Variants in DEPTOR observed in about 807,000 individuals in gnomAD.
The protein encoded by DEPTOR is DEP domain containing MTOR interacting protein.
Under a neutral mutation model 41.6 loss-of-function variants are expected in DEPTOR, and 41 were observed. That is an observed-to-expected ratio of 0.98 (90% CI 0.77 to 1.28). The LOEUF is 1.28. Ranked by LOEUF, DEPTOR falls within the 50% of genes most tolerant of loss-of-function variation. The pLI, the probability that DEPTOR is intolerant of heterozygous loss-of-function variation, is 0.00. For synonymous variants in DEPTOR, 195 were observed against 192.3 expected (o/e 1.01, Z -0.12); for missense variants, 514 against 527.9 (o/e 0.97, Z 0.26).
At chr8:119,949,257 T>C (rs10102995) in intron 3 of DEPTOR, among the ~76,000 whole-genome samples, 40,812 of 152,202 alleles carry the variant, frequency 0.27, 5,826 homozygotes, top group South Asian at 0.34. Flanking sequence ...ATACACCACA[T>C]TTTCAGTTTC....
Position 120,008,256 on chromosome 8 carries a change from T to A in DEPTOR, c.997-773T>A, listed in dbSNP as rs1281285796. ...GGGCTCCCTTGGTGGAGGCTGGGCA[T>A]GGTGGCTCACGCCTGTAATCCCAGC... On this transcript the variant is annotated intron_variant, in intron 7 of 8. Transcript: ENST00000286234. Among the ~76,000 whole-genome samples, 4 of 152,194 alleles carry A rather than the reference T, an allele frequency of 2.6e-5. No individual in the cohort carries two copies. The East Asian group carries it at 7.7e-4, about 29-fold the overall frequency.
chr8:120,008,568 C>A (rs968580298), intron 7 of DEPTOR, among the ~76,000 whole-genome samples: 5 of 150,670 alleles, frequency 3.3e-5, no homozygotes, highest in Admixed American at 1.3e-4. Context: ...TATTTCCCAC[C>A]ATTAGTAATT....
At chr8:119,953,221 C>G (rs1828375431) in intron 3 of DEPTOR, among the ~76,000 whole-genome samples, 1 of 152,090 alleles carries the variant, frequency 6.6e-6, no homozygotes, top group Admixed American at 6.6e-5. Context: ...AAAATGAAGA[C>G]CCAAAGATAC....
chr8:119,955,894 C>T (rs549029400), intron 3 of DEPTOR, among the ~76,000 whole-genome samples: 4 of 152,144 alleles, frequency 2.6e-5, no homozygotes, highest in South Asian at 2.1e-4. Flanking sequence ...GGGGAGGGTG[C>T]GGGAGAAGAG....
At chr8:119,925,999 T>C (rs2129839882) in intron 1 of DEPTOR, among the ~76,000 whole-genome samples, 1 of 152,326 alleles carries the variant, frequency 6.6e-6, no homozygotes, top group Admixed American at 6.5e-5. Flanking sequence ...GTGGTATTGG[T>C]TTTCTGTTCC....
At chr8:119,897,755 A>G (rs1194249863) in intron 1 of DEPTOR, among the ~76,000 whole-genome samples, 2 of 152,154 alleles carry the variant, frequency 1.3e-5, no homozygotes, top group East Asian at 3.9e-4. Flanking sequence ...TCGGCCTCCC[A>G]AAGTGCTGGG....
chr8:120,011,210 G>A (rs1812527197), intron 8 of DEPTOR, among the ~76,000 whole-genome samples: 1 of 152,174 alleles, frequency 6.6e-6, no homozygotes, highest in Admixed American at 6.5e-5. Context: ...TGCTTGCCCA[G>A]GTAATCAGCG....
intron 4 of DEPTOR, among the ~76,000 whole-genome samples, chr8:119,994,518 C>T (rs1349030033): frequency 6.6e-6 from 1 of 152,160 alleles, no homozygotes; most frequent in African/African-American, 2.4e-5. Context: ...TGAATATCTT[C>T]CAGTGGTGCA....
intron 3 of DEPTOR, among the ~76,000 whole-genome samples, chr8:119,930,703 G>A (rs111227004): frequency 1.2e-3 from 190 of 152,282 alleles, no homozygotes; most frequent in African/African-American, 4.1e-3. Flanking sequence ...GCCCTTTCAA[G>A]AGATAAGTAT....
intron 8 of DEPTOR, among the ~76,000 whole-genome samples, chr8:120,039,202 T>C (rs927625661): frequency 3.9e-5 from 6 of 152,318 alleles, no homozygotes; most frequent in South Asian, 2.1e-4. Context: ...CCTTCTACCA[T>C]GTGAGGACAT....
rs553081087 is a variant in DEPTOR at position 119,917,750 on chromosome 8, A to G, written c.123-10650A>G. On this transcript the variant is annotated intron_variant, in intron 1 of 8. Coordinates refer to ENST00000286234, the MANE Select transcript of DEPTOR (RefSeq NM_022783.4). ...GCTGAGGAGGATTAGTAAAAGAGGA[A>G]GGAACGCCTCTTTGCAGTTGAGACA... Among the ~76,000 whole-genome samples the G allele has an allele frequency of 2.4e-3, 372 of 152,286 alleles. 2 individuals are homozygous for G. Among genetic ancestry groups the G allele is most frequent in the African/African-American group, 8.0e-3 (331 of 41,542 alleles).
At chr8:119,964,138 G>C (rs1828525606) in intron 3 of DEPTOR, among the ~76,000 whole-genome samples, 1 of 152,090 alleles carries the variant, frequency 6.6e-6, no homozygotes, top group Non-Finnish European at 1.5e-5. Flanking sequence ...CCACCACGAT[G>C]GCTCCAGCCT....
rs796174721 is a variant in DEPTOR at position 120,041,978 on chromosome 8, CTT to C, written c.1102-7596_1102-7595del. Among the ~76,000 whole-genome samples, 75 of 152,040 alleles carry C rather than the reference CTT, an allele frequency of 4.9e-4. 1 individual carries two copies. The highest frequency in any genetic ancestry group is 1.5e-3 in the African/African-American group (63 of 41,470). ...TCATTTGAAGGTGAAGGTACTACCT[CTT>C]TGTGGGAGATGAGTTACAGAGCAGT... is the stretch of plus-strand genomic sequence containing the variant. On this transcript the variant is annotated intron_variant, in intron 8 of 8. Coordinates refer to ENST00000286234, the MANE Select transcript of DEPTOR (RefSeq NM_022783.4).
chr8:119,915,939 A>C (rs533564581), intron 1 of DEPTOR, among the ~76,000 whole-genome samples: 23 of 108,782 alleles, frequency 2.1e-4, no homozygotes, highest in African/African-American at 8.1e-4. Flanking sequence ...TCAGGACTTC[A>C]TTTGTTAAAA....
chr8:120,040,087 G>A (rs935157859), intron 8 of DEPTOR, among the ~76,000 whole-genome samples: 1 of 151,868 alleles, frequency 6.6e-6, no homozygotes, highest in African/African-American at 2.4e-5. Context: ...CAAGTGATGC[G>A]CCTGCCTCGG....
intron 1 of DEPTOR, among the ~76,000 whole-genome samples, chr8:119,923,201 C>T (rs1827918074): frequency 6.6e-6 from 1 of 151,972 alleles, no homozygotes; most frequent in Admixed American, 6.6e-5. Flanking sequence ...AAAATCTCCA[C>T]ATCTATTAAC....
chr8:119,960,861 G>T (rs2129955047), intron 3 of DEPTOR, among the ~76,000 whole-genome samples: 1 of 152,206 alleles, frequency 6.6e-6, no homozygotes, highest in South Asian at 2.1e-4. Flanking sequence ...GCACGTGCCT[G>T]TAATCCCAGC....
intron 3 of DEPTOR, among the ~76,000 whole-genome samples, chr8:119,957,906 A>G (rs1393354077): frequency 1.3e-5 from 2 of 151,894 alleles, no homozygotes; most frequent in South Asian, 2.1e-4. Context: ...TTTCTTTTCT[A>G]GATTCTTGTC....
At chr8:119,969,202 G>A (rs1410595630) in intron 4 of DEPTOR, among the ~76,000 whole-genome samples, 3 of 152,104 alleles carry the variant, frequency 2.0e-5, no homozygotes, top group Non-Finnish European at 4.4e-5. Flanking sequence ...GAAGATAGAG[G>A]ATGCTGTGAA....
Sources: allele counts gnomAD v4.1 joint callset (sites outside exome capture counted in the v4.1 genomes callset), GRCh38; gene constraint gnomAD v4.1.1; transcripts MANE v1.5; gene names NCBI Gene and HGNC (gene_info 2026-07-23, HGNC 2026-07-21).